The following SNRPN variants were observed in gnomAD, a reference collection of about 807,000 sequenced individuals.
SNRPN encodes small nuclear ribonucleoprotein-associated protein N.
SNRPN carries 7 observed loss-of-function variants against 25.2 expected under a neutral mutation model. That is an observed-to-expected ratio of 0.28 (90% CI 0.16 to 0.52). The LOEUF is 0.52. Ranked by LOEUF, SNRPN falls within the 20% of genes least tolerant of loss-of-function variation. The probability of loss-of-function intolerance (pLI) is 0.96; values close to 1 mark genes in which losing one functional copy is unlikely to be tolerated. For missense variants in SNRPN, 196 were observed against 322.5 expected (o/e 0.61, Z 3.00); for synonymous variants, 124 against 110.6 (o/e 1.12, Z -0.76).
intron 2 of SNRPN, chr15:24,848,231 T>TGGCGGGGGCGGCGGC (rs1566821386): frequency 1.0e-5 from 1 of 95,432 alleles, no homozygotes; most frequent in Non-Finnish European, 2.0e-5. Flanking sequence ...GGGGCGGCGG[T>TGGCGGGGGCGGCGGC]GGGGGCGGGG....
At chr15:24,876,072 AC>A (rs2055839843) in intron 1 of SNRPN, among the ~76,000 whole-genome samples, 1 of 151,228 alleles carries the variant, frequency 6.6e-6, no homozygotes, top group African/African-American at 2.5e-5. Context: ...AAGAAAAAAA[AC>A]AAAAAAAATA....
intron 3 of SNRPN, among the ~76,000 whole-genome samples, chr15:24,930,657 T>G (rs1368506259): frequency 6.7e-6 from 1 of 149,996 alleles, no homozygotes; most frequent in Non-Finnish European, 1.5e-5. Context: ...ATCCCAGTAC[T>G]TTGGGAGGCC....
chr15:24,894,062 C>T (rs905708993), intron 2 of SNRPN, among the ~76,000 whole-genome samples: 14 of 152,284 alleles, frequency 9.2e-5, no homozygotes, highest in African/African-American at 2.6e-4. Context: ...GATACTCCCC[C>T]TGAGAGCTGG....
intron 1 of SNRPN, among the ~76,000 whole-genome samples, chr15:24,873,535 C>T (rs1442028018): frequency 2.7e-5 from 4 of 150,390 alleles, no homozygotes; most frequent in South Asian, 2.1e-4. Flanking sequence ...GCAAGCTCCG[C>T]CTCCCCGGTT....
chr15:24,829,566 G>T (rs1391819202), intron 1 of SNRPN, among the ~76,000 whole-genome samples: 1 of 151,960 alleles, frequency 6.6e-6, no homozygotes, highest in Non-Finnish European at 1.5e-5. Flanking sequence ...GTGATGCAGG[G>T]GCCGCTCTCT....
At chr15:24,963,221 C>T (rs1031182436) in intron 2 of SNRPN, among the ~76,000 whole-genome samples, 12 of 152,092 alleles carry the variant, frequency 7.9e-5, no homozygotes, top group African/African-American at 2.4e-4. Context: ...ACAAAGTGTG[C>T]GTGGTGTGAT....
chr15:24,956,589 A>G (rs1254885640), intron 1 of SNRPN, among the ~76,000 whole-genome samples: 2 of 152,196 alleles, frequency 1.3e-5, no homozygotes, highest in Admixed American at 6.5e-5. Flanking sequence ...GTGGGGCGAG[A>G]CGTGGGGCAG....
chr15:24,877,224 A>G (rs2149271095), intron 1 of SNRPN, among the ~76,000 whole-genome samples: 1 of 152,332 alleles, frequency 6.6e-6, no homozygotes, highest in South Asian at 2.1e-4. Context: ...TCCCTACGAA[A>G]GATGCTAGTT....
intron 2 of SNRPN, among the ~76,000 whole-genome samples, chr15:24,843,822 A>G (rs1252458027): frequency 3.6e-5 from 3 of 82,754 alleles, no homozygotes; most frequent in Non-Finnish European, 8.9e-5. Flanking sequence ...CACACAGAAA[A>G]CTTAGCTAGG....
At chr15:24,901,506 C>T (rs1448537776) in intron 2 of SNRPN, among the ~76,000 whole-genome samples, 1 of 152,148 alleles carries the variant, frequency 6.6e-6, no homozygotes, top group Non-Finnish European at 1.5e-5. Flanking sequence ...ATGAAAAGAA[C>T]ACTTGTTTGT....
intron 2 of SNRPN, among the ~76,000 whole-genome samples, chr15:24,843,788 AACAC>A (rs56693061): frequency 8.4e-4 from 118 of 139,906 alleles, no homozygotes; most frequent in South Asian, 3.1e-3. Context: ...CTCCATCACA[AACAC>A]ACACACACAC....
At chr15:24,882,632 C>A (rs1183740754) in intron 1 of SNRPN, among the ~76,000 whole-genome samples, 2 of 151,850 alleles carry the variant, frequency 1.3e-5, no homozygotes, top group Non-Finnish European at 1.5e-5. Flanking sequence ...CGAGACCAGC[C>A]TGACCAACAT....
At chr15:24,887,856 G>A (rs12438971) in intron 2 of SNRPN, among the ~76,000 whole-genome samples, 32,270 of 151,810 alleles carry the variant, frequency 0.21, 3,528 homozygotes, top group Middle Eastern at 0.34. Context: ...ATAGGGTCTG[G>A]GAAAGAGTGA....
At chr15:24,954,402 A>G (rs2062519826), upstream of SNRPN, among the ~76,000 whole-genome samples, 1 of 152,196 alleles carries the variant, frequency 6.6e-6, no homozygotes, top group South Asian at 2.1e-4. Context: ...CATTCCGTAT[A>G]GGAGAGTTTA....
intron 1 of SNRPN, among the ~76,000 whole-genome samples, chr15:24,859,734 C>A (rs1296900888): frequency 6.6e-6 from 1 of 152,192 alleles, no homozygotes; most frequent in Non-Finnish European, 1.5e-5. Context: ...CAGAGCAGCC[C>A]TGTGGGCTGC....
At chr15:24,935,620 G>T (rs959032498) in intron 3 of SNRPN, among the ~76,000 whole-genome samples, 1 of 152,154 alleles carries the variant, frequency 6.6e-6, no homozygotes, top group Non-Finnish European at 1.5e-5. Context: ...CTGGACTGGA[G>T]GTCATTTGCT....
chr15:24,852,303 A>G (rs2052932412), upstream of SNRPN: 1 of 152,176 alleles, frequency 6.6e-6, no homozygotes, highest in Admixed American at 6.6e-5. Flanking sequence ...ACAATATTAT[A>G]TCTTTTCTTC....
At chr15:24,924,177 G>T (rs2060232167) in intron 3 of SNRPN, among the ~76,000 whole-genome samples, 3 of 151,792 alleles carry the variant, frequency 2.0e-5, no homozygotes, top group Admixed American at 6.6e-5. Context: ...ATACAAATTA[G>T]ATATGGACAC....
At chr15:24,962,589 T>C (rs1012262572) in intron 2 of SNRPN, among the ~76,000 whole-genome samples, 2 of 152,138 alleles carry the variant, frequency 1.3e-5, no homozygotes, top group Non-Finnish European at 2.9e-5. Flanking sequence ...GATATTTAGG[T>C]GTTTGTTTTT....
Sources: gnomAD v4.1 joint callset for allele counts (sites outside exome capture counted in the v4.1 genomes callset) on GRCh38, gnomAD v4.1.1 for gene constraint, MANE v1.5 for transcripts, NCBI Gene and HGNC (gene_info 2026-07-23, HGNC 2026-07-21) for gene names.